ROCK2: variants seen among roughly 807,000 people sequenced by gnomAD.
ROCK2 encodes the protein Rho associated coiled-coil containing protein kinase 2, also known as rho-associated protein kinase 2.
Under a neutral mutation model 195.1 loss-of-function variants are expected in ROCK2, and 61 were observed. The ratio of observed to expected loss-of-function variants is 0.31; its 90% CI spans 0.25 to 0.39. The LOEUF (loss-of-function observed/expected upper bound fraction) is 0.39, where lower values mean the gene tolerates loss of function less well. Ranked by LOEUF, ROCK2 falls within the 10% of genes least tolerant of loss-of-function variation. ROCK2 has a pLI of 1.00. For synonymous variants in ROCK2, 504 were observed against 545.5 expected (o/e 0.92, Z 1.06); for missense variants, 1,109 against 1,637.4 (o/e 0.68, Z 5.57).
chr2:11,203,477 T>C (rs903651833), intron 20 of ROCK2, among the ~76,000 whole-genome samples: 1 of 152,148 alleles, frequency 6.6e-6, no homozygotes, highest in South Asian at 2.1e-4. Context: ...TACTGCTTTT[T>C]TTTTTAAATG....
rs70953378 is a variant in ROCK2, at chr2:11,268,522, C to CTGTGTGTGTGTG, written c.324+18005_324+18016dup. Among the ~76,000 whole-genome samples the CTGTGTGTGTGTG allele has an allele frequency of 6.8e-4, 96 of 140,654 alleles. 1 individual carries two copies. The highest frequency in any genetic ancestry group is 2.0e-3 in the African/African-American group (77 of 38,570). 92.3% of individuals were successfully genotyped at this position (140,654 alleles called of 152,430 possible). ...TGTGTGTGTATTTAACAGTTTTGCA[C>CTGTGTGTGTGTG]TGTGTGTGTGTGTGTGTGTGTGTGT... On this transcript the variant is annotated intron_variant, in intron 3 of 32. Coordinates refer to ENST00000315872, the MANE Select transcript of ROCK2 (RefSeq NM_004850.5).
At chr2:11,330,404 A>C (rs1258214297) in intron 1 of ROCK2, among the ~76,000 whole-genome samples, 1 of 152,208 alleles carries the variant, frequency 6.6e-6, no homozygotes, top group Non-Finnish European at 1.5e-5. Context: ...CTAAAACAAC[A>C]AAGTTATCTG....
In ROCK2 at chr2:11,344,590, C is replaced by T; in HGVS notation, c.-454G>A. 4 of 641,576 alleles carry T rather than the reference C, an allele frequency of 6.2e-6. No individual in the cohort carries two copies. The highest frequency in any genetic ancestry group is 7.7e-6 in the Non-Finnish European group (4 of 517,460). The allele number at this position is 641,576 out of a possible 1,614,324, so 39.7% of individuals were successfully genotyped here. The stretch of plus-strand genomic sequence containing the variant: ...TGGTCGCCGCCGGCCGCCTTGCAGT[C>T]CCTCAGCCAGCTCCCGGCGCACACA... On this transcript the variant is annotated 5_prime_UTR_variant, in exon 1 of 33. Coordinates refer to ENST00000315872, the MANE Select transcript of ROCK2 (RefSeq NM_004850.5). This position sits in a 1 kb window ranked among gnomAD's most constrained non-coding sequence, Gnocchi z 5.4.
intron 5 of ROCK2, among the ~76,000 whole-genome samples, chr2:11,232,309 A>C (rs1000942778): frequency 3.9e-5 from 6 of 152,028 alleles, no homozygotes; most frequent in African/African-American, 1.4e-4. Context: ...TTCTGTTTTT[A>C]GTAGAAACGG....
At chr2:11,251,281 C>T (rs1665822647) in intron 3 of ROCK2, among the ~76,000 whole-genome samples, 1 of 152,222 alleles carries the variant, frequency 6.6e-6, no homozygotes, top group Admixed American at 6.5e-5. Flanking sequence ...GTTTAATCCC[C>T]ATTGCCTAGT....
intron 5 of ROCK2, among the ~76,000 whole-genome samples, chr2:11,228,094 G>GGT (rs1664876694): frequency 6.6e-6 from 1 of 152,066 alleles, no homozygotes; most frequent in Non-Finnish European, 1.5e-5. Context: ...CCATTATAGG[G>GGT]GTGTGTGTGT....
At chr2:11,338,287 T>C (rs1668993757) in intron 1 of ROCK2, among the ~76,000 whole-genome samples, 3 of 152,178 alleles carry the variant, frequency 2.0e-5, no homozygotes, top group Non-Finnish European at 4.4e-5. Context: ...TTGAAGGTTA[T>C]AGTGCGCTAT....
chr2:11,286,781 T>C, intron 2 of ROCK2, 142 bp from the exon 3 acceptor site: 2 of 527,344 alleles, frequency 3.8e-6, no homozygotes, highest in South Asian at 5.6e-5. Flanking sequence ...TAGTTAAAAA[T>C]CTAAGATATA....
At chr2:11,207,245 G>A (rs1454761064) in intron 20 of ROCK2, among the ~76,000 whole-genome samples, 1 of 152,050 alleles carries the variant, frequency 6.6e-6, no homozygotes, top group Non-Finnish European at 1.5e-5. Context: ...GTGCACAATC[G>A]TGCCTATAAT....
chr2:11,209,719 G>T (rs1664182328), intron 18 of ROCK2, among the ~76,000 whole-genome samples: 1 of 151,960 alleles, frequency 6.6e-6, no homozygotes. Context: ...TTCAATTAAG[G>T]CTCCTCTGCT....
At chr2:11,292,815 T>C (rs932878095) in intron 1 of ROCK2, among the ~76,000 whole-genome samples, 4 of 152,184 alleles carry the variant, frequency 2.6e-5, no homozygotes, top group Non-Finnish European at 5.9e-5. Context: ...CAAATTGTAA[T>C]CCCCAATGTT....
intron 1 of ROCK2, among the ~76,000 whole-genome samples, chr2:11,329,961 C>T (rs545293767): frequency 6.6e-6 from 1 of 152,286 alleles, no homozygotes; most frequent in South Asian, 2.1e-4. Flanking sequence ...CATGTCATAA[C>T]TGACTCATGA....
chr2:11,246,388 A>AT (rs1042763988), intron 4 of ROCK2, among the ~76,000 whole-genome samples: 17 of 151,286 alleles, frequency 1.1e-4, no homozygotes, highest in Non-Finnish European at 4.4e-5. Flanking sequence ...CTGAACTTAA[A>AT]TTTTTTTTTA....
intron 1 of ROCK2, among the ~76,000 whole-genome samples, chr2:11,330,763 A>AGGAGGAGGAG (rs1668702107): frequency 1.4e-5 from 1 of 70,180 alleles, no homozygotes; most frequent in African/African-American, 5.1e-5. Context: ...AGGAGGAGGG[A>AGGAGGAGGAG]GGAGGAGGAG....
At chr2:11,339,787 A>G (rs1243183146) in intron 1 of ROCK2, among the ~76,000 whole-genome samples, 3 of 152,204 alleles carry the variant, frequency 2.0e-5, no homozygotes, top group Non-Finnish European at 4.4e-5. Flanking sequence ...TATGAAATGA[A>G]GCAAAGGAAC....
intron 1 of ROCK2, among the ~76,000 whole-genome samples, chr2:11,301,278 A>C (rs2148216497): frequency 6.6e-6 from 1 of 152,302 alleles, no homozygotes; most frequent in Non-Finnish European, 1.5e-5. Context: ...GATATTCTCA[A>C]AAATTTTTCA....
At position 11,285,131 on chromosome 2, in the gene ROCK2, G is replaced by A. The variant is rs147756572; in HGVS notation, c.324+1408C>T. On this transcript the variant is annotated intron_variant, in intron 3 of 32. Coordinates refer to ENST00000315872, the MANE Select transcript of ROCK2 (RefSeq NM_004850.5). Reference sequence around the variant, plus strand: ...TACAAAATTGGCCAGGCGTGGTGGTGCATGCCTGTAATCCCAACTACTTAG... The same window carrying A: ...TACAAAATTGGCCAGGCGTGGTGGTACATGCCTGTAATCCCAACTACTTAG... 7.8e-3 allele frequency among the ~76,000 whole-genome samples: 1,186 copies of A among 152,066 alleles called. 6 individuals carry two copies. Among genetic ancestry groups the A allele is most frequent in the Non-Finnish European group, 0.013 (864 of 67,974 alleles).
rs1572282364 is a variant in ROCK2 at position 11,235,411 on chromosome 2, T to C, written c.723+291A>G. 1.3e-5 allele frequency among the ~76,000 whole-genome samples: 2 copies of C among 152,182 alleles called. No homozygotes were observed. Among genetic ancestry groups the C allele is most frequent in the South Asian group, 4.1e-4 (2 of 4,834 alleles). On this transcript the variant is annotated intron_variant, in intron 5 of 32. Transcript: ENST00000315872. This position sits in a 1 kb window ranked among gnomAD's most constrained non-coding sequence, Gnocchi z 4.2. ...TGTCCTTCTTCACCTAAATTATACA[T>C]ATGAACCGGTTTTGATTGGTAGCAA...
intron 1 of ROCK2, among the ~76,000 whole-genome samples, chr2:11,288,207 A>C (rs1667257823): frequency 6.6e-6 from 1 of 152,222 alleles, no homozygotes; most frequent in African/African-American, 2.4e-5. Flanking sequence ...ATTTCCTCTT[A>C]AAACAACAAC....
Sources: gnomAD v4.1 joint callset for allele counts (sites outside exome capture counted in the v4.1 genomes callset) on GRCh38, gnomAD v4.1.1 for gene constraint, Gnocchi (gnomAD v3.1) non-coding constraint, MANE v1.5 for transcripts, NCBI Gene and HGNC (gene_info 2026-07-23, HGNC 2026-07-21) for gene names.